Variants in DTNB observed in about 807,000 individuals in gnomAD.
DTNB encodes the protein dystrobrevin beta.
A neutral mutation model predicts 90.7 loss-of-function variants in DTNB; 63 were observed. That is an observed-to-expected ratio of 0.69 (90% CI 0.57 to 0.86). The LOEUF (loss-of-function observed/expected upper bound fraction) is 0.86. Among genes scored for constraint, DTNB ranks in the 40% least tolerant of loss-of-function variants. DTNB has a pLI of 0.00. For missense variants in DTNB, 744 were observed against 807.1 expected, an observed-to-expected ratio of 0.92 and a Z score of 0.95; for synonymous variants, 277 against 286.7, an observed-to-expected ratio of 0.97 and a Z score of 0.34.
At chr2:25,461,047 G>T (rs2150205503) in intron 10 of DTNB, among the ~76,000 whole-genome samples, 1 of 152,274 alleles carries the variant, frequency 6.6e-6, no homozygotes, top group Middle Eastern at 3.4e-3. Flanking sequence ...GGGACTACAG[G>T]TGTGTGCCAC....
intron 5 of DTNB, 105 bp downstream of exon 5, chr2:25,607,131 A>G (rs2067276261): frequency 1.6e-6 from 2 of 1,244,592 alleles, no homozygotes; most frequent in African/African-American, 1.5e-5. Context: ...GTGACATGGT[A>G]ATTTTTTTAA....
chr2:25,557,463 C>T (rs1033948835), intron 8 of DTNB, among the ~76,000 whole-genome samples: 1 of 152,220 alleles, frequency 6.6e-6, no homozygotes, highest in Non-Finnish European at 1.5e-5. Flanking sequence ...AGTCCACTGA[C>T]ATCACACATG....
At chr2:25,533,255 C>T (rs960644882) in intron 8 of DTNB, among the ~76,000 whole-genome samples, 7 of 152,146 alleles carry the variant, frequency 4.6e-5, no homozygotes, top group East Asian at 1.9e-4. Flanking sequence ...CAGCCCGGGC[C>T]GACGAGGCTG....
chr2:25,550,377 C>G (rs1444834707), intron 8 of DTNB, among the ~76,000 whole-genome samples: 1 of 151,816 alleles, frequency 6.6e-6, no homozygotes, highest in Non-Finnish European at 1.5e-5. Flanking sequence ...GGTGAAAGAG[C>G]GAGACTCTGT....
intron 8 of DTNB, among the ~76,000 whole-genome samples, chr2:25,539,932 T>C (rs149520985): frequency 4.6e-4 from 70 of 152,346 alleles, no homozygotes; most frequent in African/African-American, 1.6e-3. Context: ...CTACATTTAC[T>C]ACTTACATTT....
intron 1 of DTNB, among the ~76,000 whole-genome samples, chr2:25,656,047 G>T (rs140061483): frequency 1.3e-5 from 2 of 152,046 alleles, no homozygotes; most frequent in African/African-American, 4.8e-5. Context: ...TGCAATCTTT[G>T]CTATCTTCCC....
intron 8 of DTNB, among the ~76,000 whole-genome samples, chr2:25,559,899 G>A (rs565647098): frequency 1.3e-5 from 2 of 152,306 alleles, no homozygotes; most frequent in South Asian, 2.1e-4. Context: ...GTCAAAGAAC[G>A]CCAACTGCAG....
intron 9 of DTNB, among the ~76,000 whole-genome samples, chr2:25,524,397 A>G (rs1051790640): frequency 1.4e-5 from 2 of 144,588 alleles, no homozygotes; most frequent in African/African-American, 5.2e-5. Flanking sequence ...AGAATCTACC[A>G]GAGCTTTTTT....
intron 14 of DTNB, 121 bp downstream of exon 14, chr2:25,432,765 G>T: frequency 9.9e-7 from 1 of 1,008,094 alleles, no homozygotes; most frequent in East Asian, 2.6e-5. Context: ...CTCTTCAGTG[G>T]TCTGCGCTCA....
At chr2:25,444,920 A>G (rs1048196640) in intron 12 of DTNB, among the ~76,000 whole-genome samples, 10 of 152,204 alleles carry the variant, frequency 6.6e-5, no homozygotes, top group African/African-American at 2.2e-4. Flanking sequence ...CTCAATAGTT[A>G]TAAGATAACT....
At chr2:25,658,848 A>G (rs896168655) in intron 1 of DTNB, among the ~76,000 whole-genome samples, 1 of 152,232 alleles carries the variant, frequency 6.6e-6, no homozygotes, top group Admixed American at 6.5e-5. Flanking sequence ...TGGTGGAAAC[A>G]TGACACTATG....
intron 4 of DTNB, among the ~76,000 whole-genome samples, chr2:25,614,476 T>C (rs1055310197): frequency 6.6e-6 from 1 of 152,148 alleles, no homozygotes; most frequent in Non-Finnish European, 1.5e-5. Context: ...TTGCAGAATG[T>C]AAGGTCAACA....
intron 8 of DTNB, among the ~76,000 whole-genome samples, chr2:25,567,654 A>G (rs1360556312): frequency 6.6e-6 from 1 of 152,228 alleles, no homozygotes; most frequent in Non-Finnish European, 1.5e-5. Context: ...AGTCAGTTAC[A>G]TAACTACCCT....
intron 16 of DTNB, among the ~76,000 whole-genome samples, chr2:25,417,307 T>C (rs1451321380): frequency 6.6e-6 from 1 of 152,208 alleles, no homozygotes; most frequent in African/African-American, 2.4e-5. Context: ...TTCAAGGGGA[T>C]GGTGATCTCA....
At chr2:25,474,987 T>C (rs984396066) in intron 10 of DTNB, among the ~76,000 whole-genome samples, 1 of 152,180 alleles carries the variant, frequency 6.6e-6, no homozygotes, top group Non-Finnish European at 1.5e-5. Flanking sequence ...TGACCATCTC[T>C]CTCTCTCTCT....
chr2:25,669,182 T>C (rs1285641179), intron 1 of DTNB, among the ~76,000 whole-genome samples: 2 of 152,212 alleles, frequency 1.3e-5, no homozygotes, highest in Non-Finnish European at 2.9e-5. Flanking sequence ...GAAAAAGCTC[T>C]GGAGACAGTG....
intron 10 of DTNB, among the ~76,000 whole-genome samples, chr2:25,470,133 C>G (rs2062521074): frequency 6.6e-6 from 1 of 152,122 alleles, no homozygotes; most frequent in Admixed American, 6.6e-5. Flanking sequence ...AATTGTAAGA[C>G]AATTCTCTGA....
At chr2:25,651,728 A>C (rs1245802565) in intron 2 of DTNB, among the ~76,000 whole-genome samples, 24 of 152,094 alleles carry the variant, frequency 1.6e-4, no homozygotes, top group Non-Finnish European at 1.3e-4. Flanking sequence ...ACTTTTACCC[A>C]CTGATTTTCA....
intron 20 of DTNB, among the ~76,000 whole-genome samples, chr2:25,378,724 C>G (rs1203454132): frequency 6.6e-6 from 1 of 152,174 alleles, no homozygotes; most frequent in Non-Finnish European, 1.5e-5. Context: ...CTGGAGCAGT[C>G]CGTACTTTTC....
Sources: allele counts gnomAD v4.1 joint callset (sites outside exome capture counted in the v4.1 genomes callset), GRCh38; gene constraint gnomAD v4.1.1; transcripts MANE v1.5; gene names NCBI Gene and HGNC (gene_info 2026-07-23, HGNC 2026-07-21).